Variants in HAVCR2 observed in about 807,000 individuals in gnomAD.
HAVCR2 encodes the protein T cell immunoglobulin mucin 3.
HAVCR2 carries 13 observed loss-of-function variants against 24.7 expected under a neutral mutation model. The ratio of observed to expected loss-of-function variants is 0.53; its 90% CI spans 0.34 to 0.84. HAVCR2 has a LOEUF of 0.84. Among genes scored for constraint, HAVCR2 ranks in the 40% least tolerant of loss-of-function variants. The pLI, the probability that HAVCR2 is intolerant of heterozygous loss-of-function variation, is 0.01. For missense variants in HAVCR2, 343 were observed against 371.2 expected (o/e 0.92, Z 0.62); for synonymous variants, 154 against 143.4 (o/e 1.07, Z -0.53).
Position 157,104,677 on chromosome 5 carries a change from C to A in HAVCR2, c.467G>T (p.Gly156Val). 1 of 1,601,672 alleles carries A rather than the reference C, an allele frequency of 6.2e-7. No homozygotes were observed. Among genetic ancestry groups the A allele is most frequent in the South Asian group, 1.1e-5 (1 of 88,874 alleles). ...CCATGCATAGTTACCTGGGCCATGT[C>A]CCCTGGTGGTAAGCATCCTTGGAAA... ...AAFPRMLTTRGHGPAETQTLG... is the reference protein window; with the variant it reads ...AAFPRMLTTRVHGPAETQTLG... The change falls in exon 3 of 7, where the codon GGA becomes GTA. Residue 156 changes from glycine (G) to valine (V), a missense_variant. Physicochemically the swap from Gly to Val is moderately radical, Grantham distance 109 (BLOSUM62 -3). Coordinates refer to ENST00000307851, the MANE Select transcript of HAVCR2 (RefSeq NM_032782.5).
At chr5:157,103,018 T>C (rs1347227072) in intron 3 of HAVCR2, among the ~76,000 whole-genome samples, 1 of 151,008 alleles carries the variant, frequency 6.6e-6, no homozygotes, top group Non-Finnish European at 1.5e-5. Flanking sequence ...ATGCACCACC[T>C]CGACAGGGAG....
chr5:157,106,938 G>C lies in HAVCR2; in HGVS notation c.83C>G (p.Ala28Gly). 6.2e-7 allele frequency: 1 copy of C among 1,613,792 alleles called. No individual in the cohort carries two copies. Among genetic ancestry groups the C allele is most frequent in the Non-Finnish European group, 8.5e-7 (1 of 1,179,832 alleles). ...CAGATAGGCATTCTGACCGACCTCC[G>C]CTCTGTATTCCACTTCTGAGGACCC... ...LTRSSEVEYR[A>G]EVGQNAYLPC... The change falls in exon 2 of 7, where the codon GCG becomes GGG. Residue 28 changes from alanine (A) to glycine (G), a missense_variant. Transcript: ENST00000307851.
Position 157,087,902 on chromosome 5 carries a change from C to CAAAA in HAVCR2, c.714-612_714-609dup, listed in dbSNP as rs753842431. Among the ~76,000 whole-genome samples, 887 of 88,782 alleles carry CAAAA rather than the reference C, an allele frequency of 1.0e-2. 4 individuals are homozygous for CAAAA. The highest frequency in any genetic ancestry group is 0.018 in the Admixed American group (143 of 8,052). 58.2% of individuals were successfully genotyped at this position (88,782 alleles called of 152,430 possible). Reference sequence around the variant, plus strand: ...TGGGTGACAGAGCCAGACTCCGTCTCAAAAAAAAAAAAAAAAAATTATTAA... The same window carrying CAAAA: ...TGGGTGACAGAGCCAGACTCCGTCTCAAAAAAAAAAAAAAAAAAAAAATTATTAA... On this transcript the variant is annotated intron_variant, in intron 6 of 6. Coordinates refer to ENST00000307851, the MANE Select transcript of HAVCR2 (RefSeq NM_032782.5).
chr5:157,106,729 C>G lies in HAVCR2; in HGVS notation c.292G>C (p.Glu98Gln). 6.2e-7 allele frequency: 1 copy of G among 1,614,220 alleles called. No individual in the cohort carries two copies. The highest frequency in any genetic ancestry group is 8.5e-7 in the Non-Finnish European group (1 of 1,180,042). ...FRKGDVSLTI[E>Q]NVTLADSGIY... ...CCACTGTCTGCTAGAGTCACATTCT[C>G]TATGGTCAGGGACACATCTCCTTTG... The change falls in exon 2 of 7, where the codon GAG (glutamate) becomes CAG (glutamine). Residue 98 changes from glutamate (E) to glutamine (Q), a missense_variant. Coordinates refer to ENST00000307851, the MANE Select transcript of HAVCR2 (RefSeq NM_032782.5).
rs1756910698 is a variant in HAVCR2, at chr5:157,086,226, G to A, written c.*876C>T. ...AGCCCTGCAGGGCAGTCTTCATAAG[G>A]GAGACAAAAGAAGGGCTATGCACTG... On this transcript the variant is annotated 3_prime_UTR_variant, in exon 7 of 7. Coordinates refer to ENST00000307851, the MANE Select transcript of HAVCR2 (RefSeq NM_032782.5). 6.6e-6 allele frequency: 1 copy of A among 152,216 alleles called. No homozygotes were observed. The highest frequency in any genetic ancestry group is 2.4e-5 in the African/African-American group (1 of 41,438). The allele number at this position is 152,216 out of a possible 1,614,324, so 9.4% of individuals were successfully genotyped here.
chr5:157,093,080 A>AAT (rs72414882), intron 5 of HAVCR2, among the ~76,000 whole-genome samples: 1,922 of 142,752 alleles, frequency 0.013, 23 homozygotes, highest in African/African-American at 0.027. Flanking sequence ...AATAATAATA[A>AAT]ATATATATAT....
At chr5:157,088,632 T>C (rs973465545) in intron 6 of HAVCR2, among the ~76,000 whole-genome samples, 9 of 152,182 alleles carry the variant, frequency 5.9e-5, no homozygotes, top group East Asian at 3.8e-4. Context: ...CTGGATATAA[T>C]AGGAGCTCAA....
In HAVCR2 at chr5:157,106,952, T is replaced by G; in HGVS notation, c.69A>C (p.Glu23Asp). Residue 23 changes from glutamate to aspartate, a missense_variant, in exon 2 of 7, where the codon GAA (glutamate) becomes GAC (aspartate). Transcript: ENST00000307851. ...GACCGACCTCCGCTCTGTATTCCAC[T>G]TCTGAGGACCCTGCATAGAGAGAGA... The part of the protein sequence containing the change: ...LLLLLLTRSS[E>D]VEYRAEVGQN... 6.2e-7 allele frequency: 1 copy of G among 1,612,250 alleles called. No individual in the cohort carries two copies. Among genetic ancestry groups the G allele is most frequent in the Non-Finnish European group, 8.5e-7 (1 of 1,178,814 alleles).
intron 5 of HAVCR2, among the ~76,000 whole-genome samples, chr5:157,092,453 A>T (rs1199084768): frequency 6.6e-6 from 1 of 151,452 alleles, no homozygotes. Context: ...ATTTTATTTT[A>T]TTTATTTTTT....
At chr5:157,092,132 G>T (rs1757011498) in intron 5 of HAVCR2, among the ~76,000 whole-genome samples, 1 of 94,220 alleles carries the variant, frequency 1.1e-5, no homozygotes. Flanking sequence ...ATAAATTATG[G>T]TCATATTATA....
chr5:157,096,691 C>T (rs1196288034), intron 4 of HAVCR2, among the ~76,000 whole-genome samples: 9 of 152,062 alleles, frequency 5.9e-5, no homozygotes, highest in African/African-American at 2.2e-4. Flanking sequence ...GCAGGACAAT[C>T]GCTTGAACCC....
intron 1 of HAVCR2, chr5:157,107,268 C>T (rs1220390558): frequency 1.0e-5 from 3 of 291,974 alleles, no homozygotes; most frequent in Admixed American, 9.6e-5. Context: ...GGTCTCAGAA[C>T]CTCACTTTCA....
chr5:157,087,111 T>G lies in HAVCR2; in HGVS notation c.897A>C (p.Ala299=). 6.2e-7 allele frequency: 1 copy of G among 1,613,190 alleles called. No individual in the cohort carries two copies. Reference sequence around the variant, plus strand: ...AATAAGGTGGTTGGATCTATGGCATTGCAAAGCGACAACCCAAAGGTTGTG... The same window carrying G: ...AATAAGGTGGTTGGATCTATGGCATGGCAAAGCGACAACCCAAAGGTTGTG... ...QPSQPLGCRF[A]MP The change falls in exon 7 of 7, where the codon GCA becomes GCC. Residue 299 remains alanine, a synonymous_variant. Coordinates refer to ENST00000307851, the MANE Select transcript of HAVCR2 (RefSeq NM_032782.5).
intron 5 of HAVCR2, among the ~76,000 whole-genome samples, chr5:157,092,141 TATATA>T (rs1757012401): frequency 4.6e-3 from 1 of 216 alleles, no homozygotes; most frequent in South Asian, 0.5. Flanking sequence ...GGTCATATTA[TATATA>T]TATATATATA....
chr5:157,098,363 C>T (rs1757123394), intron 4 of HAVCR2, among the ~76,000 whole-genome samples: 1 of 151,282 alleles, frequency 6.6e-6, no homozygotes, highest in South Asian at 2.1e-4. Flanking sequence ...GCCAGGATCA[C>T]ACCCTTGCAC....
chr5:157,087,385 A>G (rs72805187), intron 6 of HAVCR2, 91 bp from the exon 7 acceptor site: 14,422 of 1,072,138 alleles, frequency 0.013, 136 homozygotes, highest in African/African-American at 0.031. Context: ...AGAGACAGCA[A>G]CTAAATATAG....
rs1756920907 is a variant in HAVCR2 at position 157,086,865 on chromosome 5, T to C, written c.*237A>G. The C allele has an allele frequency of 2.1e-6, 1 of 470,974 alleles. No individual in the cohort carries two copies. The highest frequency in any genetic ancestry group is 2.0e-5 in the African/African-American group (1 of 49,196). The allele number at this position is 470,974 out of a possible 1,614,324, so 29.2% of individuals were successfully genotyped here. On this transcript the variant is annotated 3_prime_UTR_variant, in exon 7 of 7. Transcript: ENST00000307851. ...ATAAAAGCCCGTTTGAGCTCTAACA[T>C]CCATGATTAACAGTCTCTGGGTTGG...
chr5:157,104,007 A>G (rs1454874610), intron 3 of HAVCR2, among the ~76,000 whole-genome samples: 1 of 150,392 alleles, frequency 6.6e-6, no homozygotes, highest in Non-Finnish European at 1.5e-5. Context: ...TTATGACATT[A>G]TGAGGTGGGA....
intron 3 of HAVCR2, among the ~76,000 whole-genome samples, chr5:157,103,374 TA>T (rs10600273): frequency 3.1e-4 from 46 of 147,564 alleles, no homozygotes; most frequent in African/African-American, 4.7e-4. Flanking sequence ...CCGTCTCAAT[TA>T]AAAAAAAAAA....
Sources: gnomAD v4.1 joint callset for allele counts (sites outside exome capture counted in the v4.1 genomes callset) on GRCh38, gnomAD v4.1.1 for gene constraint, MANE v1.5 for transcripts, NCBI Gene and HGNC (gene_info 2026-07-23, HGNC 2026-07-21) for gene names.